The following RIPOR3 variants were observed in gnomAD, a reference collection of about 807,000 sequenced individuals.
RIPOR3 encodes family with sequence similarity 65 member C.
RIPOR3 carries 95 observed loss-of-function variants against 114.3 expected under a neutral mutation model. The observed-to-expected ratio is 0.83, with a 90% CI of 0.70 to 0.99. The LOEUF (loss-of-function observed/expected upper bound fraction) is 0.99. Among genes scored for constraint, RIPOR3 ranks in the 50% least tolerant of loss-of-function variants. The pLI is 0.00. For missense variants in RIPOR3, 1,252 were observed against 1,266.9 expected (o/e 0.99, Z 0.18); for synonymous variants, 575 against 543.8 (o/e 1.06, Z -0.80).
chr20:50,603,803 G>A (rs1020264490), intron 12 of RIPOR3, among the ~76,000 whole-genome samples: 2 of 152,174 alleles, frequency 1.3e-5, no homozygotes, highest in African/African-American at 2.4e-5. Context: ...CAATGATAAT[G>A]GTTGATGTTC....
At chr20:50,618,303 G>C (rs200646222) in intron 3 of RIPOR3, among the ~76,000 whole-genome samples, 1 of 127,460 alleles carries the variant, frequency 7.8e-6, no homozygotes, top group African/African-American at 3.8e-5. Flanking sequence ...AAAAAAAAAG[G>C]CGTAAGTAGG....
At position 50,597,702 on chromosome 20, in the gene RIPOR3, TCTGCAGGGCTGTGGACGAA is replaced by T; in HGVS notation, c.1660-11_1667del. ...CGGCCGAGGTGTGCTCCTGCCGTGC[TCTGCAGGGCTGTGGACGAA>T]GTGGCCAGACCTGAGGGCAACACCG... is the stretch of plus-strand genomic sequence containing the variant. On this transcript the variant is annotated splice_acceptor_variant and splice_polypyrimidine_tract_variant and coding_sequence_variant and intron_variant, in exon 14 of 22. Coordinates refer to ENST00000327979, the MANE Select transcript of RIPOR3 (RefSeq NM_001290268.2). LOFTEE classifies it high-confidence loss of function. 1 of 1,612,344 alleles carries T rather than the reference TCTGCAGGGCTGTGGACGAA, an allele frequency of 6.2e-7. No homozygotes were observed. Among genetic ancestry groups the T allele is most frequent in the Non-Finnish European group, 8.5e-7 (1 of 1,179,306 alleles).
At position 50,596,176 on chromosome 20, in the gene RIPOR3, C is replaced by T. The variant is rs1204251248; in HGVS notation, c.1878G>A (p.Leu626=). 1 of 1,614,208 alleles carries T rather than the reference C, an allele frequency of 6.2e-7. No homozygotes were observed. The highest frequency in any genetic ancestry group is 1.7e-5 in the Admixed American group (1 of 60,028). ...CTTTGCAGACTTGGAGGTGTACCAT[C>T]AGCAGCACGTCCAGCTCTGGGGCAC... The part of the protein sequence containing the change: ...TAGAPELDVL[L]MVHLQVCKAL... The change falls in exon 15 of 22, where the codon CTG becomes CTA. Residue 626 remains leucine (L), a synonymous_variant. Coordinates refer to ENST00000327979, the MANE Select transcript of RIPOR3 (RefSeq NM_001290268.2).
Position 50,608,458 on chromosome 20 carries a change from C to T in RIPOR3, c.887G>A (p.Arg296Gln), listed in dbSNP as rs146773676. Residue 296 changes from arginine to glutamine, a missense_variant, in exon 11 of 22, where the codon CGG (arginine) becomes CAG (glutamine). By Grantham distance (43) the Arg-to-Gln change is conservative. Coordinates refer to ENST00000327979, the MANE Select transcript of RIPOR3 (RefSeq NM_001290268.2). ...TCDIADFFTTRPQVIVVDITE... is the reference protein window; with the variant it reads ...TCDIADFFTTQPQVIVVDITE... ...GATGTCCACCACGATGACCTGCGGC[C>T]GCGTCGTGAAGAAGTCGGCGATGTC... is the stretch of plus-strand genomic sequence containing the variant. 7.4e-3 allele frequency: 11,990 copies of T among 1,613,998 alleles called. 54 individuals carry two copies. Among genetic ancestry groups the T allele is most frequent in the Non-Finnish European group, 9.1e-3 (10,758 of 1,179,960 alleles).
intron 11 of RIPOR3, among the ~76,000 whole-genome samples, chr20:50,605,025 C>A (rs549463862): frequency 6.6e-6 from 1 of 152,204 alleles, no homozygotes; most frequent in Non-Finnish European, 1.5e-5. Flanking sequence ...TGGGTTCAAG[C>A]GATCCTCCTG....
At chr20:50,617,676 A>G (rs1281045648) in intron 3 of RIPOR3, among the ~76,000 whole-genome samples, 1 of 117,572 alleles carries the variant, frequency 8.5e-6, no homozygotes, top group East Asian at 2.9e-4. Flanking sequence ...CCTAGGCTGG[A>G]GTGCAATAAC....
chr20:50,608,411 G>A lies in RIPOR3; in HGVS notation c.934C>T (p.Leu312=). 1 of 1,613,978 alleles carries A rather than the reference G, an allele frequency of 6.2e-7. No individual in the cohort carries two copies. The highest frequency in any genetic ancestry group is 2.2e-5 in the East Asian group (1 of 44,860). Residue 312 remains leucine (L), a synonymous_variant, in exon 11 of 22, where the codon CTG becomes TTG. Coordinates refer to ENST00000327979, the MANE Select transcript of RIPOR3 (RefSeq NM_001290268.2). ...CACTTCCACTGCACCTCCAGCTGCA[G>A]CTTGATGGTACCCAACTCCGTGATG... is the stretch of plus-strand genomic sequence containing the variant. The part of the protein sequence containing the change: ...VDITELGTIK[L]QLEVQWNPFD...
rs565328678 is a variant in RIPOR3 at position 50,669,207 on chromosome 20, C to A, written c.3+21919G>T. On this transcript the variant is annotated intron_variant, in intron 1 of 21. Transcript: ENST00000327979. ...CACTCCCCTCTTCACCCAGCCACCC[C>A]GCTATTCATTCTGGATCCCCTTACC... Among the ~76,000 whole-genome samples the A allele has an allele frequency of 7.2e-5, 11 of 152,286 alleles. No individual in the cohort carries two copies. In the South Asian group the frequency reaches 2.3e-3, roughly 32 times the overall value.
At chr20:50,620,989 G>A in intron 2 of RIPOR3, 1 of 530,130 alleles carries the variant, frequency 1.9e-6, no homozygotes, top group Non-Finnish European at 3.6e-6. Context: ...AGGAAAGGGT[G>A]GGGACACACA....
chr20:50,631,776 T>C lies in RIPOR3; in HGVS notation c.4-920A>G, dbSNP rs543160520. Among the ~76,000 whole-genome samples the C allele has an allele frequency of 2.6e-5, 4 of 152,326 alleles. No individual in the cohort carries two copies. The East Asian group carries it at 7.7e-4, about 29-fold the overall frequency. The stretch of plus-strand genomic sequence containing the variant: ...CTCTTTTTTCCAAACCATCTCTAGA[T>C]TGAGAAAATGCCACCCTATCCCTTG... On this transcript the variant is annotated intron_variant, in intron 1 of 21. Coordinates refer to ENST00000327979, the MANE Select transcript of RIPOR3 (RefSeq NM_001290268.2).
intron 1 of RIPOR3, among the ~76,000 whole-genome samples, chr20:50,652,601 A>AG (rs1405182056): frequency 1.3e-5 from 2 of 150,688 alleles, no homozygotes; most frequent in African/African-American, 2.4e-5. Flanking sequence ...AAAAAAAAAA[A>AG]AAAAAAAAAA....
chr20:50,680,760 G>A (rs1351863820), intron 1 of RIPOR3, among the ~76,000 whole-genome samples: 2 of 152,206 alleles, frequency 1.3e-5, no homozygotes, highest in African/African-American at 2.4e-5. Flanking sequence ...CCTATCTCCT[G>A]CTCCTACGAA....
chr20:50,607,558 G>T (rs1341988702), intron 11 of RIPOR3, among the ~76,000 whole-genome samples: 2 of 152,238 alleles, frequency 1.3e-5, no homozygotes, highest in East Asian at 1.9e-4. Flanking sequence ...CTGCAGACCC[G>T]CAGGCACCCT....
In RIPOR3 at chr20:50,602,232, C is replaced by T. The variant is rs139663528; in HGVS notation, c.1499G>A (p.Gly500Asp). Residue 500 changes from glycine (G) to aspartate (D), a missense_variant, in exon 13 of 22, where the codon GGC becomes GAC. Coordinates refer to ENST00000327979, the MANE Select transcript of RIPOR3 (RefSeq NM_001290268.2). This position sits in a 1 kb window ranked among gnomAD's most constrained non-coding sequence, Gnocchi z 4.3. The part of the protein sequence containing the change: ...HSGTASSSQN[G>D]HEEGATGDRE... ...GTCCCCGGTTGCCCCTTCCTCGTGGCCGTTCTGGCTACTCGAGGCTGTGCC... is the reference window on the plus strand; with the variant it reads ...GTCCCCGGTTGCCCCTTCCTCGTGGTCGTTCTGGCTACTCGAGGCTGTGCC... The T allele has an allele frequency of 4.5e-5, 72 of 1,613,814 alleles. No individual in the cohort carries two copies. Among genetic ancestry groups the T allele is most frequent in the Middle Eastern group, 3.3e-4 (2 of 6,082 alleles).
intron 1 of RIPOR3, among the ~76,000 whole-genome samples, chr20:50,666,214 T>TCTCTTCTC (rs2086223997): frequency 8.9e-6 from 1 of 112,642 alleles, no homozygotes; most frequent in African/African-American, 4.1e-5. Context: ...TTTCTTTTCT[T>TCTCTTCTC]TTCTTTTCTT....
At chr20:50,595,653 G>T in intron 15 of RIPOR3, 149 bp from the exon 16 acceptor site, 2 of 1,213,446 alleles carry the variant, frequency 1.6e-6, no homozygotes, top group South Asian at 1.5e-5. Flanking sequence ...CTTTCACCAA[G>T]GTGGCTGAGC....
intron 1 of RIPOR3, among the ~76,000 whole-genome samples, chr20:50,644,656 G>GT (rs1419650148): frequency 8.7e-5 from 6 of 69,222 alleles, no homozygotes; most frequent in African/African-American, 1.6e-4. Context: ...GCTAATTTCT[G>GT]TTTTGTTTTT....
At chr20:50,624,010 T>A (rs2084525535) in intron 2 of RIPOR3, among the ~76,000 whole-genome samples, 4 of 152,058 alleles carry the variant, frequency 2.6e-5, no homozygotes, top group African/African-American at 9.7e-5. Context: ...TAATTTTTGT[T>A]TTTTTTAGTA....
At chr20:50,648,535 G>A (rs566558559) in intron 1 of RIPOR3, among the ~76,000 whole-genome samples, 1 of 151,824 alleles carries the variant, frequency 6.6e-6, no homozygotes, top group Non-Finnish European at 1.5e-5. Flanking sequence ...TTGGGTGGGT[G>A]GTTTTGGGGT....
Sources: gnomAD v4.1 joint callset for allele counts (sites outside exome capture counted in the v4.1 genomes callset) on GRCh38, gnomAD v4.1.1 for gene constraint, Gnocchi (gnomAD v3.1) non-coding constraint, MANE v1.5 for transcripts, NCBI Gene and HGNC (gene_info 2026-07-23, HGNC 2026-07-21) for gene names.